SEC14L2: variants seen among roughly 807,000 people sequenced by gnomAD.
SEC14L2 encodes SEC14-like protein 2.
A neutral mutation model predicts 56.9 loss-of-function variants in SEC14L2; 50 were observed. That is an observed-to-expected ratio of 0.88 (90% confidence interval 0.70 to 1.11). The LOEUF is 1.11. SEC14L2 is among the 50% of genes most tolerant of loss of function. The pLI, the probability that SEC14L2 is intolerant of heterozygous loss-of-function variation, is 0.00. For missense variants in SEC14L2, 414 were observed against 500.7 expected, an observed-to-expected ratio of 0.83 and a Z score of 1.65; for synonymous variants, 179 against 188.5, an observed-to-expected ratio of 0.95 and a Z score of 0.41.
chr22:30,404,009 C>CAAAAAAAA (rs67366822), intron 2 of SEC14L2, among the ~76,000 whole-genome samples: 5 of 93,214 alleles, frequency 5.4e-5, no homozygotes, highest in African/African-American at 7.6e-5. Flanking sequence ...GACTCCGTCT[C>CAAAAAAAA]AAAAAAAAAA....
intron 8 of SEC14L2, among the ~76,000 whole-genome samples, chr22:30,414,694 G>T (rs1352087831): frequency 6.6e-6 from 1 of 151,898 alleles, no homozygotes. Flanking sequence ...AATTTGGATT[G>T]GTGAAGTGGT....
chr22:30,414,764 TAAA>T (rs546093091), intron 8 of SEC14L2, among the ~76,000 whole-genome samples: 2 of 141,094 alleles, frequency 1.4e-5, no homozygotes, highest in Admixed American at 7.2e-5. Context: ...TTGGGTATTT[TAAA>T]AAAAAAAAAA....
At chr22:30,400,724 C>T in intron 2 of SEC14L2, among the ~76,000 whole-genome samples, 1 of 151,448 alleles carries the variant, frequency 6.6e-6, no homozygotes, top group Non-Finnish European at 1.5e-5. Context: ...TGAAACTCCA[C>T]CTCTACTAAA....
chr22:30,416,843 C>A (rs1413171542), intron 11 of SEC14L2: 3 of 1,079,632 alleles, frequency 2.8e-6, no homozygotes, highest in African/African-American at 1.6e-5. Flanking sequence ...CATCTCCCAG[C>A]TGACCAAAGA....
intron 2 of SEC14L2, chr22:30,400,494 C>T (rs1601769552): frequency 6.6e-6 from 1 of 152,392 alleles, no homozygotes; most frequent in African/African-American, 2.4e-5. Flanking sequence ...CCTTCCCCTC[C>T]TCTCCTTTCC....
At chr22:30,400,433 G>T (rs7288366) in intron 2 of SEC14L2, 30,713 of 152,164 alleles carry the variant, frequency 0.2, 3,310 homozygotes, top group South Asian at 0.39. Flanking sequence ...ATTTCTACTG[G>T]CATGAGGGTC....
intron 3 of SEC14L2, among the ~76,000 whole-genome samples, chr22:30,406,604 G>C (rs1934100934): frequency 6.6e-6 from 1 of 152,108 alleles, no homozygotes; most frequent in African/African-American, 2.4e-5. Flanking sequence ...GTTCTGCTAA[G>C]ACCTCTAAAA....
chr22:30,398,327 T>G (rs2145999899), intron 1 of SEC14L2, among the ~76,000 whole-genome samples: 1 of 152,272 alleles, frequency 6.6e-6, no homozygotes, highest in Non-Finnish European at 1.5e-5. Flanking sequence ...GTTTCCCTGG[T>G]GCACTGGGAG....
Position 30,397,446 on chromosome 22 carries a change from G to A in SEC14L2, c.54+276G>A, listed in dbSNP as rs562037977. 2.9e-5 allele frequency: 13 copies of A among 455,650 alleles called. No homozygotes were observed. In the South Asian group the frequency reaches 4.7e-4, roughly 16 times the overall value. 28.2% of individuals were successfully genotyped at this position (455,650 alleles called of 1,614,324 possible). On this transcript the variant is annotated intron_variant, in intron 1 of 11. Transcript: ENST00000615189. The stretch of plus-strand genomic sequence containing the variant: ...AAGTGGTTGCTTGTGAGTCCCCGGA[G>A]GCCGCTGAGGGCACAAAGGCAACAT...
chr22:30,398,184 G>T (rs977491262), intron 1 of SEC14L2, among the ~76,000 whole-genome samples: 1 of 152,238 alleles, frequency 6.6e-6, no homozygotes, highest in Non-Finnish European at 1.5e-5. Context: ...TGGACAGGGA[G>T]GCTTCAGATT....
intron 2 of SEC14L2, among the ~76,000 whole-genome samples, chr22:30,404,654 G>A (rs910409741): frequency 6.6e-6 from 1 of 152,206 alleles, no homozygotes; most frequent in African/African-American, 2.4e-5. Flanking sequence ...TGATAGGGAA[G>A]GATCTAAGGT....
intron 11 of SEC14L2, among the ~76,000 whole-genome samples, chr22:30,417,435 C>T (rs2299826): frequency 0.11 from 16,012 of 152,250 alleles, 1,065 homozygotes; most frequent in East Asian, 0.19. Flanking sequence ...TTCTTTTTGT[C>T]AGAGCCAATG....
At chr22:30,417,948 T>C (rs1934428980) in intron 11 of SEC14L2, among the ~76,000 whole-genome samples, 1 of 152,042 alleles carries the variant, frequency 6.6e-6, no homozygotes, top group South Asian at 2.1e-4. Flanking sequence ...AATATTCTTA[T>C]TAGTGAGCAG....
chr22:30,415,786 A>C lies in SEC14L2; in HGVS notation c.692A>C (p.His231Pro), dbSNP rs748368938. 5 of 1,614,156 alleles carry C rather than the reference A, an allele frequency of 3.1e-6. No individual in the cohort carries two copies. The East Asian group carries it at 8.9e-5, about 29-fold the overall frequency. ...GANWKEVLLK[H>P]ISPDQVPVEY... ...AATTGGAAGGAGGTTTTACTGAAACATATCAGCCCTGACCAGGTGCCTGTG... is the reference window on the plus strand; with the variant it reads ...AATTGGAAGGAGGTTTTACTGAAACCTATCAGCCCTGACCAGGTGCCTGTG... Residue 231 changes from histidine to proline, a missense_variant, in exon 9 of 12, where the codon CAT becomes CCT. Coordinates refer to ENST00000615189, the MANE Select transcript of SEC14L2 (RefSeq NM_012429.5).
At chr22:30,397,780 G>A in intron 1 of SEC14L2, 1 of 465,398 alleles carries the variant, frequency 2.1e-6, no homozygotes, top group Non-Finnish European at 4.5e-6. Flanking sequence ...GTTGGTGTTA[G>A]TTTGAGCTGA....
chr22:30,399,285 G>A (rs1027640531), intron 1 of SEC14L2, among the ~76,000 whole-genome samples: 1 of 152,036 alleles, frequency 6.6e-6, no homozygotes, highest in African/African-American at 2.4e-5. Context: ...AGACCGAGAT[G>A]GGCGGATCAG....
rs1934633526 is a variant in SEC14L2, at chr22:30,425,100, C to T, written c.*2693C>T. Reference sequence around the variant, plus strand: ...ATTAAGAGCACGGGATCTGGATCCACACTGTTTGGATTCAAATCACAACTT... The same window carrying T: ...ATTAAGAGCACGGGATCTGGATCCATACTGTTTGGATTCAAATCACAACTT... On this transcript the variant is annotated 3_prime_UTR_variant, in exon 12 of 12. Transcript: ENST00000615189. The T allele has an allele frequency of 4.0e-6, 1 of 250,306 alleles. No homozygotes were observed. The allele number at this position is 250,306 out of a possible 1,614,324, so 15.5% of individuals were successfully genotyped here. A position where few individuals can be genotyped will look rare whatever the true frequency, so the allele number is the denominator to read the frequency against.
At chr22:30,418,087 TC>T (rs1329751732) in intron 11 of SEC14L2, among the ~76,000 whole-genome samples, 2 of 152,134 alleles carry the variant, frequency 1.3e-5, no homozygotes, top group East Asian at 3.9e-4. Flanking sequence ...TTTGTCTGTT[TC>T]TTTGTTTTTA....
At position 30,399,721 on chromosome 22, in the gene SEC14L2, G is replaced by A. The variant is rs747401385; in HGVS notation, c.130+3G>A. The stretch of plus-strand genomic sequence containing the variant: ...TTTTCTCCTGCGTTGGCTCCGAGGT[G>A]AGGGAAGAGGGGCTGCGGGAGGCTG... On this transcript the variant is annotated splice_donor_region_variant and intron_variant, in intron 2 of 11. Coordinates refer to ENST00000615189, the MANE Select transcript of SEC14L2 (RefSeq NM_012429.5). 4.3e-6 allele frequency: 7 copies of A among 1,612,638 alleles called. No homozygotes were observed. The highest frequency in any genetic ancestry group is 5.1e-6 in the Non-Finnish European group (6 of 1,179,448).
Sources: gnomAD v4.1 joint callset for allele counts (sites outside exome capture counted in the v4.1 genomes callset) on GRCh38, gnomAD v4.1.1 for gene constraint, MANE v1.5 for transcripts, NCBI Gene and HGNC (gene_info 2026-07-23, HGNC 2026-07-21) for gene names.